Variants in TTLL7 observed in about 807,000 individuals in gnomAD.
TTLL7 encodes the protein tubulin tyrosine ligase like 7.
TTLL7 carries 53 observed loss-of-function variants against 120.2 expected under a neutral mutation model. The observed-to-expected ratio is 0.44, with a 90% CI of 0.35 to 0.55. The LOEUF (loss-of-function observed/expected upper bound fraction) is 0.55, where lower values mean the gene tolerates loss of function less well. TTLL7 is among the 20% of genes least tolerant of loss of function. The pLI is 0.00. For missense variants in TTLL7, 803 were observed against 1,054.7 expected (o/e 0.76, Z 3.31); for synonymous variants, 353 against 351.7 (o/e 1.00, Z -0.04).
intron 1 of TTLL7, among the ~76,000 whole-genome samples, chr1:83,961,172 A>G (rs935420060): frequency 2.6e-5 from 4 of 152,166 alleles, no homozygotes; most frequent in African/African-American, 9.6e-5. Context: ...AGCCTGGAAC[A>G]TAGGAGTTAA....
At chr1:83,882,791 A>C in intron 20 of TTLL7, 172 bp downstream of exon 20, 1 of 611,946 alleles carries the variant, frequency 1.6e-6, no homozygotes, top group Non-Finnish European at 2.7e-6. Flanking sequence ...TCAGTCCCTT[A>C]AAGGTAAATA....
Position 83,870,039 on chromosome 1 carries a change from T to C in TTLL7, c.2587A>G (p.Thr863Ala), listed in dbSNP as rs745879802. ...GGTGAATTGTACTTCAAGTTGTAGG[T>C]TGGTGTTCTCAAGAAGAATTGGGTG... ...GSTQFFLRTP[T>A]YNLKYNSPGM... Residue 863 changes from threonine to alanine, a missense_variant, in exon 21 of 21, where the codon ACC (threonine) becomes GCC (alanine). Thr to Ala is a moderately conservative substitution (Grantham distance 58). Transcript: ENST00000260505. The C allele has an allele frequency of 2.0e-5, 31 of 1,584,662 alleles. No homozygotes were observed. Among genetic ancestry groups the C allele is most frequent in the Middle Eastern group, 1.7e-4 (1 of 6,028 alleles).
intron 7 of TTLL7, among the ~76,000 whole-genome samples, chr1:83,938,565 A>T (rs1159869588): frequency 6.6e-6 from 1 of 152,216 alleles, no homozygotes; most frequent in African/African-American, 2.4e-5. Flanking sequence ...ACCACAGTGC[A>T]CTTAGAGTCA....
At chr1:83,899,098 AG>A (rs1442530000) in intron 18 of TTLL7, among the ~76,000 whole-genome samples, 1 of 151,894 alleles carries the variant, frequency 6.6e-6, no homozygotes, top group African/African-American at 2.4e-5. Flanking sequence ...AAAACTTTAT[AG>A]TAAAGTTTTA....
At chr1:83,932,554 C>G (rs553924155) in intron 9 of TTLL7, among the ~76,000 whole-genome samples, 2 of 136,174 alleles carry the variant, frequency 1.5e-5, no homozygotes, top group African/African-American at 5.0e-5. Flanking sequence ...TAGATGTGAC[C>G]ACACATAGGC....
At chr1:83,961,769 T>C (rs1339934690) in intron 1 of TTLL7, among the ~76,000 whole-genome samples, 1 of 152,138 alleles carries the variant, frequency 6.6e-6, no homozygotes, top group African/African-American at 2.4e-5. Context: ...TAAGTAGTTC[T>C]CCAGTAGCCT....
At chr1:83,993,039 T>A (rs1653152050) in intron 1 of TTLL7, among the ~76,000 whole-genome samples, 1 of 152,090 alleles carries the variant, frequency 6.6e-6, no homozygotes, top group African/African-American at 2.4e-5. Context: ...ACATGAAAAT[T>A]TTCCCATCAA....
At chr1:83,889,739 A>T (rs1655285553) in intron 19 of TTLL7, among the ~76,000 whole-genome samples, 1 of 152,114 alleles carries the variant, frequency 6.6e-6, no homozygotes, top group Admixed American at 6.6e-5. Context: ...TGAAAGTATG[A>T]ATGGAAACAA....
intron 20 of TTLL7, among the ~76,000 whole-genome samples, chr1:83,873,377 T>A (rs2100694032): frequency 6.6e-6 from 1 of 152,314 alleles, no homozygotes; most frequent in East Asian, 1.9e-4. Context: ...CTAAGATTGT[T>A]TTTGAAATGT....
At chr1:83,966,944 T>C (rs1216827696) in intron 1 of TTLL7, among the ~76,000 whole-genome samples, 3 of 152,046 alleles carry the variant, frequency 2.0e-5, no homozygotes, top group Non-Finnish European at 2.9e-5. Flanking sequence ...ACATAGACAA[T>C]GAGGGCTGAA....
chr1:83,909,426 T>C (rs1473920667), intron 15 of TTLL7, among the ~76,000 whole-genome samples: 1 of 151,926 alleles, frequency 6.6e-6, no homozygotes, highest in African/African-American at 2.4e-5. Context: ...TCAAACTATA[T>C]ACAAGACAAA....
intron 17 of TTLL7, among the ~76,000 whole-genome samples, chr1:83,905,714 A>T (rs1657149186): frequency 6.6e-6 from 1 of 152,046 alleles, no homozygotes; most frequent in African/African-American, 2.4e-5. Flanking sequence ...GCGCTTTCAC[A>T]AAAATTATCT....
chr1:83,882,125 T>C (rs1402668766), intron 20 of TTLL7, among the ~76,000 whole-genome samples: 1 of 146,510 alleles, frequency 6.8e-6, no homozygotes, highest in East Asian at 2.1e-4. Context: ...CATTAGGAGA[T>C]ACACCTAATG....
intron 1 of TTLL7, among the ~76,000 whole-genome samples, chr1:83,959,583 C>A (rs570177213): frequency 6.6e-6 from 1 of 152,306 alleles, no homozygotes; most frequent in East Asian, 1.9e-4. Context: ...GTTTACCCCC[C>A]TTGTTTGACC....
At chr1:83,883,263 G>T in intron 19 of TTLL7, 127 bp from the exon 20 acceptor site, 1 of 654,036 alleles carries the variant, frequency 1.5e-6, no homozygotes, top group Non-Finnish European at 2.5e-6. Context: ...CAATAACTAT[G>T]AATGGTTTAA....
intron 1 of TTLL7, among the ~76,000 whole-genome samples, chr1:83,998,361 C>A (rs1442949584): frequency 6.6e-6 from 1 of 152,146 alleles, no homozygotes; most frequent in African/African-American, 2.4e-5. Flanking sequence ...TACAAGGCAA[C>A]TTTCATAGGG....
At chr1:83,950,922 AAAC>A (rs1648978430) in intron 3 of TTLL7, among the ~76,000 whole-genome samples, 1 of 152,170 alleles carries the variant, frequency 6.6e-6, no homozygotes, top group African/African-American at 2.4e-5. Flanking sequence ...CACAAGCAGA[AAAC>A]AATAACAAAT....
chr1:83,876,711 C>T (rs770601282), intron 20 of TTLL7, among the ~76,000 whole-genome samples: 1 of 151,808 alleles, frequency 6.6e-6, no homozygotes, highest in Non-Finnish European at 1.5e-5. Flanking sequence ...TTTTATATCT[C>T]AGATATTTGT....
At chr1:83,906,240 CATA>C (rs1330651523) in intron 17 of TTLL7, 86 bp downstream of exon 17, 1 of 1,094,952 alleles carries the variant, frequency 9.1e-7, no homozygotes, top group African/African-American at 1.6e-5. Flanking sequence ...TGTCACTGAG[CATA>C]ATGCCTTCAG....
Sources: allele counts gnomAD v4.1 joint callset (sites outside exome capture counted in the v4.1 genomes callset), GRCh38; gene constraint gnomAD v4.1.1; transcripts MANE v1.5; gene names NCBI Gene and HGNC (gene_info 2026-07-23, HGNC 2026-07-21).